Variants in MYO18B observed in about 807,000 individuals in gnomAD.
MYO18B encodes the protein myosin XVIIIB.
Under a neutral mutation model 273.0 loss-of-function variants are expected in MYO18B, and 204 were observed. That is an observed-to-expected ratio of 0.75 (90% CI 0.67 to 0.84). The LOEUF is 0.84. MYO18B is among the 40% of genes least tolerant of loss of function. MYO18B has a pLI of 0.00. For missense variants in MYO18B, 3,212 were observed against 3,287.6 expected, an observed-to-expected ratio of 0.98 and a Z score of 0.56; for synonymous variants, 1,330 against 1,305.7, an observed-to-expected ratio of 1.02 and a Z score of -0.40.
chr22:25,862,471 G>A (rs1328252576), intron 21 of MYO18B, among the ~76,000 whole-genome samples: 1 of 152,140 alleles, frequency 6.6e-6, no homozygotes, highest in East Asian at 1.9e-4. Context: ...CATCCTGAAG[G>A]ACTTCCTTTA....
intron 34 of MYO18B, among the ~76,000 whole-genome samples, chr22:25,933,492 T>TA (rs2146516570): frequency 6.6e-6 from 1 of 152,362 alleles, no homozygotes; most frequent in South Asian, 2.1e-4. Flanking sequence ...TGTTTCTCGT[T>TA]AGAGAAATTC....
At position 25,835,412 on chromosome 22, in the gene MYO18B, T is replaced by G. The variant is rs2089861567; in HGVS notation, c.3177T>G (p.Ala1059=). The G allele has an allele frequency of 3.1e-6, 5 of 1,613,932 alleles. No individual in the cohort carries two copies. The highest frequency in any genetic ancestry group is 4.2e-6 in the Non-Finnish European group (5 of 1,179,888). The change falls in exon 17 of 44, where the codon GCT becomes GCG. Residue 1059 remains alanine, a synonymous_variant. Coordinates refer to ENST00000335473, the MANE Select transcript of MYO18B (RefSeq NM_032608.7). ...SDSVVLERLC[A]AFEKKGAGTE... ...GTGTGGTGCTCGAGCGTCTGTGTGC[T>G]GCTTTCGAGAAGAAAGGAGCTGGGA...
rs1936273318 is a variant in MYO18B at position 26,026,771 on chromosome 22, A to G, written c.6797A>G (p.Gln2266Arg). Reference protein sequence around the residue: ...GLRRKRAQRGQGSTLGLEDWP... With the variant: ...GLRRKRAQRGRGSTLGLEDWP... ...CGGAGGAAGAGAGCCCAGAGAGGCCAGGGGTCCACGCTGGGCCTAGAGGAC... is the reference window on the plus strand; with the variant it reads ...CGGAGGAAGAGAGCCCAGAGAGGCCGGGGGTCCACGCTGGGCCTAGAGGAC... The change falls in exon 43 of 44, where the codon CAG (glutamine) becomes CGG (arginine). Residue 2266 changes from glutamine (Q) to arginine (R), a missense_variant. By Grantham distance (43) the Gln-to-Arg change is conservative. Transcript: ENST00000335473. 10 of 1,609,834 alleles carry G rather than the reference A, an allele frequency of 6.2e-6. No homozygotes were observed. Among genetic ancestry groups the G allele is most frequent in the Non-Finnish European group, 8.5e-6 (10 of 1,178,094 alleles).
In MYO18B at chr22:25,908,352, C is replaced by G. The variant is rs770441349; in HGVS notation, c.5179C>G (p.Arg1727Gly). ...LRQRFELEIE[R>G]MKQMHQKDRE... is the part of the protein sequence containing the mutation. ...CCAGCGGTTTGAGCTGGAGATCGAG[C>G]GGATGAAGCAGATGCACCAGAAGGA... Residue 1727 changes from arginine (R) to glycine (G), a missense_variant, in exon 32 of 44, where the codon CGG (arginine) becomes GGG (glycine). Physicochemically the swap from Arg to Gly is moderately radical, Grantham distance 125. Transcript: ENST00000335473. The G allele has an allele frequency of 2.2e-5, 35 of 1,597,696 alleles. No individual in the cohort carries two copies. Among genetic ancestry groups the G allele is most frequent in the Non-Finnish European group, 3.0e-5 (35 of 1,172,492 alleles).
At chr22:25,905,083 C>G (rs192165350) in intron 31 of MYO18B, among the ~76,000 whole-genome samples, 1 of 151,620 alleles carries the variant, frequency 6.6e-6, no homozygotes, top group Admixed American at 6.6e-5. Context: ...CACCGTTATG[C>G]GAGAAAATGT....
At chr22:25,926,717 C>T (rs919867273) in intron 34 of MYO18B, among the ~76,000 whole-genome samples, 2 of 152,168 alleles carry the variant, frequency 1.3e-5, no homozygotes, top group African/African-American at 2.4e-5. Flanking sequence ...GGCCAAGCTA[C>T]AGGGATAAAG....
intron 21 of MYO18B, among the ~76,000 whole-genome samples, chr22:25,864,357 G>A (rs28559659): frequency 1.3e-5 from 2 of 152,144 alleles, no homozygotes; most frequent in Admixed American, 6.5e-5. Context: ...TCTTGTTTTG[G>A]GGGGAGGGGA....
At chr22:25,892,490 T>A (rs1270676745) in intron 27 of MYO18B, 1 of 152,200 alleles carries the variant, frequency 6.6e-6, no homozygotes, top group Non-Finnish European at 1.5e-5. Flanking sequence ...TTTGCCACCT[T>A]GTCACCGTGC....
intron 1 of MYO18B, among the ~76,000 whole-genome samples, chr22:25,753,624 A>G (rs1320001302): frequency 6.6e-6 from 1 of 151,992 alleles, no homozygotes; most frequent in African/African-American, 2.4e-5. Context: ...GAGCTGTAAC[A>G]CTCACCGCAA....
At chr22:26,055,311 C>A in the MYO18B span, among the ~76,000 whole-genome samples, 1 of 152,130 alleles carries the variant, frequency 6.6e-6, no homozygotes, top group Admixed American at 6.5e-5. Context: ...CTATCTCGGG[C>A]TTTTAAGTAT....
intron 12 of MYO18B, among the ~76,000 whole-genome samples, chr22:25,798,491 C>T (rs6004767): frequency 0.23 from 35,446 of 152,026 alleles, 4,354 homozygotes; most frequent in Middle Eastern, 0.27. Flanking sequence ...ACTGGCAGTA[C>T]AGTAGGGCAG....
In MYO18B at chr22:26,027,941, G is replaced by A. The variant is rs940125439; in HGVS notation, c.*12+251G>A. On this transcript the variant is annotated intron_variant, in intron 43 of 43. Coordinates refer to ENST00000335473, the MANE Select transcript of MYO18B (RefSeq NM_032608.7). This position sits in a 1 kb window ranked among gnomAD's most constrained non-coding sequence, Gnocchi z 4.1. ...AAGTAAGAGGTTCCTGTGGGATACC[G>A]CTAAAGAAGGTGCCAGATGTAGCCG... Among the ~76,000 whole-genome samples, 5 of 152,118 alleles carry A rather than the reference G, an allele frequency of 3.3e-5. No homozygotes were observed. Among genetic ancestry groups the A allele is most frequent in the Non-Finnish European group, 4.4e-5 (3 of 68,024 alleles).
intron 15 of MYO18B, among the ~76,000 whole-genome samples, chr22:25,829,934 A>G (rs1174502163): frequency 6.6e-6 from 1 of 152,164 alleles, no homozygotes; most frequent in African/African-American, 2.4e-5. Flanking sequence ...GAATTTACCC[A>G]AATGAACATA....
At chr22:26,008,204 C>T (rs1934593579) in intron 42 of MYO18B, among the ~76,000 whole-genome samples, 1 of 152,178 alleles carries the variant, frequency 6.6e-6, no homozygotes, top group African/African-American at 2.4e-5. Context: ...CTTTATTTCA[C>T]TTTTAGGTGC....
intron 39 of MYO18B, among the ~76,000 whole-genome samples, chr22:25,989,161 A>T (rs1296947599): frequency 6.6e-6 from 1 of 152,112 alleles, no homozygotes; most frequent in East Asian, 1.9e-4. Context: ...CGAGGAGGGG[A>T]TGTCTGTACC....
intron 33 of MYO18B, among the ~76,000 whole-genome samples, chr22:25,914,021 G>A (rs774991182): frequency 1.3e-5 from 2 of 152,172 alleles, no homozygotes; most frequent in Non-Finnish European, 2.9e-5. Flanking sequence ...GGGGTGCATA[G>A]TGTGAGGTAG....
chr22:25,963,032 C>T (rs1396294799), intron 39 of MYO18B, among the ~76,000 whole-genome samples: 1 of 152,110 alleles, frequency 6.6e-6, no homozygotes, highest in East Asian at 1.9e-4. Flanking sequence ...CCTCCCTCTT[C>T]AACCTGTTTT....
chr22:25,876,157 GA>G, intron 23 of MYO18B, 31 bp from the exon 24 acceptor site: 1 of 1,595,874 alleles, frequency 6.3e-7, no homozygotes, highest in Non-Finnish European at 8.5e-7. Flanking sequence ...GGTTGGAAAG[GA>G]CCCTCCAGTC....
chr22:25,907,818 T>C (rs904653189), intron 31 of MYO18B, among the ~76,000 whole-genome samples: 1 of 152,116 alleles, frequency 6.6e-6, no homozygotes, highest in African/African-American at 2.4e-5. Flanking sequence ...GTGGATCACC[T>C]GAGGTCAGGA....
Sources: allele counts gnomAD v4.1 joint callset (sites outside exome capture counted in the v4.1 genomes callset), GRCh38; gene constraint gnomAD v4.1.1; non-coding constraint Gnocchi (gnomAD v3.1); transcripts MANE v1.5; gene names NCBI Gene and HGNC (gene_info 2026-07-23, HGNC 2026-07-21).